The following PPP1R12B variants were observed in gnomAD, a reference collection of about 807,000 sequenced individuals.
PPP1R12B encodes myosin phosphatase target subunit 2.
In PPP1R12B, 76 loss-of-function variants were observed where a neutral mutation model predicts 126.1. The observed-to-expected ratio is 0.60, with a 90% CI of 0.50 to 0.73. PPP1R12B has a LOEUF of 0.73. Ranked by LOEUF, PPP1R12B falls within the 30% of genes least tolerant of loss-of-function variation. The pLI is 0.00. For missense variants in PPP1R12B, 1,052 were observed against 1,205.1 expected (o/e 0.87, Z 1.88); for synonymous variants, 356 against 434.7 (o/e 0.82, Z 2.25).
In PPP1R12B at chr1:202,495,240, T is replaced by A; in HGVS notation, c.2146-53T>A. On this transcript the variant is annotated intron_variant, in intron 15 of 23. Transcript: ENST00000608999. ...ACATTTTGTATAAACCTGCTGTCCTTACTCTTTAGATGGACTTGATTTCTA... is the reference window on the plus strand; with the variant it reads ...ACATTTTGTATAAACCTGCTGTCCTAACTCTTTAGATGGACTTGATTTCTA... 1.9e-5 allele frequency: 28 copies of A among 1,468,920 alleles called. No homozygotes were observed. The South Asian group carries it at 3.9e-4, about 21-fold the overall frequency. 91.0% of individuals were successfully genotyped at this position (1,468,920 alleles called of 1,614,324 possible).
chr1:202,387,592 A>G (rs1663361588), intron 1 of PPP1R12B, among the ~76,000 whole-genome samples: 1 of 152,236 alleles, frequency 6.6e-6, no homozygotes, highest in Middle Eastern at 3.4e-3. Context: ...CGATGGTACA[A>G]GATTTTTTTT....
At chr1:202,411,904 A>T (rs1056929620) in intron 1 of PPP1R12B, among the ~76,000 whole-genome samples, 1 of 152,128 alleles carries the variant, frequency 6.6e-6, no homozygotes, top group Non-Finnish European at 1.5e-5. Flanking sequence ...TACTCAAGCG[A>T]TCCTCCCACC....
At chr1:202,531,329 G>A (rs1324051593) in intron 18 of PPP1R12B, among the ~76,000 whole-genome samples, 13 of 152,122 alleles carry the variant, frequency 8.5e-5, no homozygotes, top group Non-Finnish European at 1.8e-4. Context: ...TGTTTGTTTA[G>A]TATGAGATCA....
At chr1:202,424,783 A>T (rs527687863) in intron 3 of PPP1R12B, among the ~76,000 whole-genome samples, 1 of 152,148 alleles carries the variant, frequency 6.6e-6, no homozygotes, top group South Asian at 2.1e-4. Context: ...GATATTGGAG[A>T]GTTATTGGCT....
chr1:202,555,353 A>AAAAAAAAAAAATT (rs1553320335), intron 18 of PPP1R12B, among the ~76,000 whole-genome samples: 2 of 121,582 alleles, frequency 1.6e-5, no homozygotes, highest in African/African-American at 3.0e-5. Flanking sequence ...AAAAAAAAAA[A>AAAAAAAAAAAATT]GCTTGTTTCG....
Position 202,488,525 on chromosome 1 carries a change from C to T in PPP1R12B, c.1851-8C>T, listed in dbSNP as rs1453378968. ...CTTGCTTTTGCTATTACTTTTTTTT[C>T]TCTGCAGGTCCTATCTGACTCCTGT... is the stretch of plus-strand genomic sequence containing the variant. On this transcript the variant is annotated splice_region_variant and splice_polypyrimidine_tract_variant and intron_variant, in intron 13 of 23. Transcript: ENST00000608999. 3 of 1,587,316 alleles carry T rather than the reference C, an allele frequency of 1.9e-6. No homozygotes were observed. The highest frequency in any genetic ancestry group is 1.7e-5 in the Admixed American group (1 of 57,160).
intron 13 of PPP1R12B, among the ~76,000 whole-genome samples, chr1:202,470,384 T>G (rs1675689157): frequency 6.6e-6 from 1 of 152,230 alleles, no homozygotes; most frequent in Admixed American, 6.5e-5. Context: ...TATGTATATC[T>G]TACTGTTTGG....
At position 202,552,806 on chromosome 1, in the gene PPP1R12B, A is replaced by G. The variant is rs3767403; in HGVS notation, c.2491-6071A>G. ...AAACCAGTTTCAGCCTTGGCAGCAG[A>G]CATGTGACTTGGTCTCATTCCTTTC... On this transcript the variant is annotated intron_variant, in intron 18 of 23. Transcript: ENST00000608999. 7.8e-4 allele frequency among the ~76,000 whole-genome samples: 119 copies of G among 152,332 alleles called. 1 individual carries two copies. In the East Asian group the frequency reaches 0.02, roughly 25 times the overall value.
At position 202,404,691 on chromosome 1, in the gene PPP1R12B, C is replaced by T. The variant is rs368673924; in HGVS notation, c.292-12096C>T. ...ATTTTTTGTATTTTTTTAGTAGAGA[C>T]GGGGTTTCACTGTGTTAGCCAGGAT... On this transcript the variant is annotated intron_variant, in intron 1 of 23. Transcript: ENST00000608999. Among the ~76,000 whole-genome samples the T allele has an allele frequency of 1.6e-4, 24 of 152,010 alleles. No homozygotes were observed. The South Asian group carries it at 3.3e-3, about 21-fold the overall frequency.
intron 13 of PPP1R12B, among the ~76,000 whole-genome samples, chr1:202,480,586 A>G (rs1423045760): frequency 6.6e-6 from 1 of 152,230 alleles, no homozygotes; most frequent in Non-Finnish European, 1.5e-5. Flanking sequence ...TAAACTTTCA[A>G]GCAGAAATTA....
intron 14 of PPP1R12B, 83 bp downstream of exon 14, chr1:202,488,706 T>C: frequency 8.4e-7 from 1 of 1,192,314 alleles, no homozygotes. Context: ...GCAATATCCA[T>C]GTTCAACTGC....
At chr1:202,421,268 A>G (rs1386748966) in intron 2 of PPP1R12B, among the ~76,000 whole-genome samples, 1 of 150,254 alleles carries the variant, frequency 6.7e-6, no homozygotes, top group Non-Finnish European at 1.5e-5. Flanking sequence ...AGTTCTTTGA[A>G]TGCAGTGGCC....
Position 202,583,757 on chromosome 1 carries a change from T to C in PPP1R12B, c.*3197T>C, listed in dbSNP as rs1689670796. Reference sequence around the variant, plus strand: ...CAATCCTCAGTCCTCACCTGCTGGTTTGGAGACTCATGAGCACCCCAGGCA... The same window carrying C: ...CAATCCTCAGTCCTCACCTGCTGGTCTGGAGACTCATGAGCACCCCAGGCA... On this transcript the variant is annotated 3_prime_UTR_variant, in exon 24 of 24. Transcript: ENST00000608999. 6.6e-6 allele frequency: 1 copy of C among 152,180 alleles called. No homozygotes were observed. The highest frequency in any genetic ancestry group is 2.1e-4 in the South Asian group (1 of 4,836). 9.4% of individuals were successfully genotyped at this position (152,180 alleles called of 1,614,324 possible).
chr1:202,440,257 A>G (rs1386681104), intron 10 of PPP1R12B, among the ~76,000 whole-genome samples: 2 of 152,150 alleles, frequency 1.3e-5, no homozygotes, highest in South Asian at 2.1e-4. Context: ...GATGAGGCAT[A>G]TTGGTTGAAT....
intron 18 of PPP1R12B, among the ~76,000 whole-genome samples, chr1:202,525,275 G>T (rs1307651424): frequency 2.0e-5 from 3 of 152,140 alleles, no homozygotes; most frequent in Non-Finnish European, 4.4e-5. Flanking sequence ...AAATGCTGTG[G>T]AGTATTTAGA....
Position 202,496,774 on chromosome 1 carries a change from T to G in PPP1R12B, c.2449-7T>G. On this transcript the variant is annotated splice_polypyrimidine_tract_variant and splice_region_variant and intron_variant, in intron 17 of 23. Coordinates refer to ENST00000608999, the MANE Select transcript of PPP1R12B (RefSeq NM_002481.4). The stretch of plus-strand genomic sequence containing the variant: ...GCCTCTTGATTTTCTTCCCTTTTCT[T>G]TTTTAGGAGGATGAAACTGATGGCT... The G allele has an allele frequency of 1.2e-6, 2 of 1,611,118 alleles. No individual in the cohort carries two copies. Among genetic ancestry groups the G allele is most frequent in the Non-Finnish European group, 1.7e-6 (2 of 1,177,472 alleles).
rs551605904 is a variant in PPP1R12B at position 202,433,494 on chromosome 1, G to A, written c.1142-1162G>A. ...TGCCTACAGAGTAAATAAACCCCAA[G>A]CTCCATAGTCTGGCCTTCAGGACTT... On this transcript the variant is annotated intron_variant, in intron 8 of 23. Transcript: ENST00000608999. 4.6e-5 allele frequency among the ~76,000 whole-genome samples: 7 copies of A among 152,122 alleles called. No individual in the cohort carries two copies. The South Asian group carries it at 1.4e-3, about 32-fold the overall frequency.
intron 1 of PPP1R12B, among the ~76,000 whole-genome samples, chr1:202,368,224 G>A (rs1008473458): frequency 2.6e-5 from 4 of 152,130 alleles, no homozygotes; most frequent in African/African-American, 9.6e-5. Context: ...GCCTCCCTCG[G>A]CCTCCCAAAG....
At chr1:202,482,287 T>C (rs1677489911) in intron 13 of PPP1R12B, among the ~76,000 whole-genome samples, 1 of 152,184 alleles carries the variant, frequency 6.6e-6, no homozygotes, top group Non-Finnish European at 1.5e-5. Context: ...GGTAGTTCTA[T>C]TTTTACGTTT....
Sources: gnomAD v4.1 joint callset for allele counts (sites outside exome capture counted in the v4.1 genomes callset) on GRCh38, gnomAD v4.1.1 for gene constraint, MANE v1.5 for transcripts, NCBI Gene and HGNC (gene_info 2026-07-23, HGNC 2026-07-21) for gene names.